Variants in GALNT13 observed in about 807,000 individuals in gnomAD.
GALNT13 encodes the protein UDP-GalNAc:polypeptide N-acetylgalactosaminyltransferase 13.
In GALNT13, 28 loss-of-function variants were observed where a neutral mutation model predicts 64.2. That is an observed-to-expected ratio of 0.44 (90% CI 0.32 to 0.60). GALNT13 has a LOEUF of 0.60. GALNT13 is among the 20% of genes least tolerant of loss of function. The pLI is 0.05. For missense variants in GALNT13, 577 were observed against 669.8 expected (o/e 0.86, Z 1.53); for synonymous variants, 214 against 224.6 (o/e 0.95, Z 0.42).
At chr2:154,326,541 G>A (rs911577263) in intron 9 of GALNT13, among the ~76,000 whole-genome samples, 1 of 151,876 alleles carries the variant, frequency 6.6e-6, no homozygotes, top group Non-Finnish European at 1.5e-5. Flanking sequence ...TTATCTCCTA[G>A]GAGAACCAGT....
chr2:153,099,663 T>C, the GALNT13 span, among the ~76,000 whole-genome samples: 1 of 152,250 alleles, frequency 6.6e-6, no homozygotes, highest in Admixed American at 6.5e-5. Flanking sequence ...GGTGTAACTC[T>C]ATTTAATGTT....
the GALNT13 span, among the ~76,000 whole-genome samples, chr2:153,536,698 G>A: frequency 3.9e-5 from 6 of 152,074 alleles, no homozygotes; most frequent in African/African-American, 1.4e-4. Flanking sequence ...ACTTTACATT[G>A]TGAAATAAAT....
intron 4 of GALNT13, among the ~76,000 whole-genome samples, chr2:154,224,918 A>G (rs1055736825): frequency 1.3e-5 from 2 of 152,138 alleles, no homozygotes; most frequent in East Asian, 1.9e-4. Context: ...AATAAGTTAA[A>G]TGAAAAGACA....
At chr2:153,220,341 G>A in the GALNT13 span, among the ~76,000 whole-genome samples, 127,463 of 152,168 alleles carry the variant, frequency 0.84, 54,595 homozygotes, top group African/African-American at 0.93. Flanking sequence ...AATACACCTA[G>A]AACTGGTAAT....
chr2:154,359,864 A>G lies in GALNT13; in HGVS notation c.1157-36127A>G, dbSNP rs115012937. On this transcript the variant is annotated intron_variant, in intron 9 of 12. Coordinates refer to ENST00000392825, the MANE Select transcript of GALNT13 (RefSeq NM_052917.4). ...TTGCTGCTCCTCAGTAAAATGAATTATAAGTTAGAATGGCTATTTTCTTTA... is the reference window on the plus strand; with the variant it reads ...TTGCTGCTCCTCAGTAAAATGAATTGTAAGTTAGAATGGCTATTTTCTTTA... Among the ~76,000 whole-genome samples the G allele has an allele frequency of 2.1e-3, 316 of 152,272 alleles. 3 individuals are homozygous for G. The highest frequency in any genetic ancestry group is 7.0e-3 in the African/African-American group (291 of 41,568).
At chr2:153,345,633 CT>C in the GALNT13 span, among the ~76,000 whole-genome samples, 1,068 of 110,996 alleles carry the variant, frequency 9.6e-3, 8 homozygotes, top group Non-Finnish European at 0.012. Flanking sequence ...CTTTTCCTTT[CT>C]TTTTCTTTCT....
At chr2:153,850,033 G>T in the GALNT13 span, among the ~76,000 whole-genome samples, 2 of 144,694 alleles carry the variant, frequency 1.4e-5, no homozygotes, top group Non-Finnish European at 3.0e-5. Context: ...AAAAAAATTA[G>T]CCGGGCATGG....
At chr2:154,060,159 T>A (rs1036694702) in intron 3 of GALNT13, among the ~76,000 whole-genome samples, 2 of 152,100 alleles carry the variant, frequency 1.3e-5, no homozygotes, top group African/African-American at 4.8e-5. Context: ...CCACTAGGAA[T>A]TGAATTTCTA....
the GALNT13 span, among the ~76,000 whole-genome samples, chr2:153,573,268 C>G: frequency 2.6e-5 from 4 of 151,910 alleles, no homozygotes; most frequent in African/African-American, 4.8e-5. Flanking sequence ...TACTCCTGCT[C>G]TTTTTTGGTT....
At chr2:153,215,334 C>T in the GALNT13 span, among the ~76,000 whole-genome samples, 1 of 152,018 alleles carries the variant, frequency 6.6e-6, no homozygotes, top group African/African-American at 2.4e-5. Context: ...TTCCACACAG[C>T]CTCACAATAC....
chr2:153,415,816 A>G, the GALNT13 span, among the ~76,000 whole-genome samples: 12 of 152,250 alleles, frequency 7.9e-5, no homozygotes. Context: ...TATTTTTCTT[A>G]TGTTTCTCTG....
chr2:153,409,687 G>A, the GALNT13 span, among the ~76,000 whole-genome samples: 91 of 152,126 alleles, frequency 6.0e-4, no homozygotes, highest in African/African-American at 2.0e-3. Context: ...TAAAATGTGA[G>A]AAAGGCTAAA....
the GALNT13 span, among the ~76,000 whole-genome samples, chr2:153,650,010 GA>G: frequency 6.6e-6 from 1 of 152,102 alleles, no homozygotes; most frequent in Non-Finnish European, 1.5e-5. Flanking sequence ...TTCAATTCCT[GA>G]ATATCCTTGT....
chr2:153,400,559 C>G, the GALNT13 span, among the ~76,000 whole-genome samples: 1 of 152,028 alleles, frequency 6.6e-6, no homozygotes, highest in Non-Finnish European at 1.5e-5. Flanking sequence ...TGGTCCTGGA[C>G]TCTTTTTGGT....
At chr2:153,465,535 T>C in the GALNT13 span, among the ~76,000 whole-genome samples, 1 of 151,536 alleles carries the variant, frequency 6.6e-6, no homozygotes, top group East Asian at 1.9e-4. Context: ...CTTTTACTCA[T>C]ATAGTAAGGA....
the GALNT13 span, among the ~76,000 whole-genome samples, chr2:153,132,928 AC>A: frequency 6.6e-6 from 1 of 151,658 alleles, no homozygotes; most frequent in African/African-American, 2.4e-5. Context: ...TCGCCATGTT[AC>A]CCAGGCTGGT....
At chr2:153,925,111 G>A (rs1274612702) in intron 2 of GALNT13, among the ~76,000 whole-genome samples, 1 of 152,096 alleles carries the variant, frequency 6.6e-6, no homozygotes, top group African/African-American at 2.4e-5. Context: ...TGGCATCTTT[G>A]TCATGACATC....
intron 7 of GALNT13, among the ~76,000 whole-genome samples, chr2:154,258,808 A>G (rs1690528112): frequency 7.1e-6 from 1 of 141,354 alleles, no homozygotes; most frequent in South Asian, 2.2e-4. Context: ...GATCACCTGT[A>G]AAAAAAAAAA....
rs1025017406 is a variant in GALNT13, at chr2:154,260,848, G to A, written c.975+1710G>A. 2.0e-5 allele frequency among the ~76,000 whole-genome samples: 3 copies of A among 152,076 alleles called. No individual in the cohort carries two copies. The East Asian group carries it at 5.8e-4, about 29-fold the overall frequency. On this transcript the variant is annotated intron_variant, in intron 8 of 12. Transcript: ENST00000392825. ...TTCTTCGGGTGCTATGCTGGGTTAC[G>A]TAAGAAATAAAATCAACACAGAAAT... is the stretch of plus-strand genomic sequence containing the variant.
Sources: allele counts gnomAD v4.1 joint callset (sites outside exome capture counted in the v4.1 genomes callset), GRCh38; gene constraint gnomAD v4.1.1; transcripts MANE v1.5; gene names NCBI Gene and HGNC (gene_info 2026-07-23, HGNC 2026-07-21).